MMP16: variants seen among roughly 807,000 people sequenced by gnomAD.
MMP16 encodes the protein matrix metallopeptidase 16.
MMP16 carries 12 observed loss-of-function variants against 67.8 expected under a neutral mutation model. The observed-to-expected ratio is 0.18, with a 90% confidence interval of 0.11 to 0.29. The LOEUF is 0.29. Among genes scored for constraint, MMP16 ranks in the 10% least tolerant of loss-of-function variants. The probability of loss-of-function intolerance (pLI) is 1.00; values close to 1 mark genes in which losing one functional copy is unlikely to be tolerated. For synonymous variants in MMP16, 249 were observed against 255.9 expected (o/e 0.97, Z 0.26); for missense variants, 475 against 765.7 (o/e 0.62, Z 4.48).
rs1049717663 is a variant in MMP16 at position 88,037,541 on chromosome 8, T to G, written c.*3920A>C. 1.4e-4 allele frequency: 22 copies of G among 151,958 alleles called. No individual in the cohort carries two copies. Among genetic ancestry groups the G allele is most frequent in the African/African-American group, 5.1e-4 (21 of 41,432 alleles). 9.4% of individuals were successfully genotyped at this position (151,958 alleles called of 1,614,324 possible). The stretch of plus-strand genomic sequence containing the variant: ...TTATAACAGAAGTTGTCTTTGCTAG[T>G]ATCACATAATGCTGTCTAATTTAGC... On this transcript the variant is annotated 3_prime_UTR_variant, in exon 10 of 10. Coordinates refer to ENST00000286614, the MANE Select transcript of MMP16 (RefSeq NM_005941.5).
chr8:88,214,100 C>A (rs1361965315), intron 1 of MMP16, among the ~76,000 whole-genome samples: 1 of 152,134 alleles, frequency 6.6e-6, no homozygotes, highest in Admixed American at 6.6e-5. Context: ...GTCTCCAATA[C>A]ATAAACGTGA....
chr8:88,279,372 G>A (rs1563582151), intron 1 of MMP16, among the ~76,000 whole-genome samples: 1 of 151,950 alleles, frequency 6.6e-6, no homozygotes, highest in Non-Finnish European at 1.5e-5. Context: ...TTCTTAACAT[G>A]GTTAATAGAA....
At chr8:88,097,226 A>AT (rs1041052296) in intron 6 of MMP16, among the ~76,000 whole-genome samples, 6 of 151,754 alleles carry the variant, frequency 4.0e-5, no homozygotes, top group Non-Finnish European at 7.4e-5. Flanking sequence ...AAGAAAAACT[A>AT]TTTTTTTTGG....
intron 1 of MMP16, among the ~76,000 whole-genome samples, chr8:88,198,269 T>A (rs1273166307): frequency 6.6e-6 from 1 of 152,172 alleles, no homozygotes; most frequent in Non-Finnish European, 1.5e-5. Context: ...CCACATCCCA[T>A]CCTGCTGTCC....
At chr8:88,060,368 A>G (rs915101757) in intron 7 of MMP16, among the ~76,000 whole-genome samples, 1 of 151,916 alleles carries the variant, frequency 6.6e-6, no homozygotes, top group African/African-American at 2.4e-5. Context: ...TCTCCTTTTT[A>G]TCTATCCTCC....
chr8:88,112,666 G>GGTGTGTGTGTGTGTGT (rs6150692), intron 6 of MMP16, among the ~76,000 whole-genome samples: 2,722 of 146,820 alleles, frequency 0.019, 42 homozygotes, highest in African/African-American at 0.037. Context: ...AGGACAGAAG[G>GGTGTGTGTGTGTGTGT]GTGTGTGTGT....
chr8:88,118,907 T>C, intron 4 of MMP16, 46 bp from the exon 5 acceptor site: 1 of 1,563,800 alleles, frequency 6.4e-7, no homozygotes, highest in South Asian at 1.1e-5. Flanking sequence ...AATATCCAAA[T>C]ACAGAATTGA....
chr8:88,148,737 TAAG>T (rs34708371), intron 4 of MMP16, among the ~76,000 whole-genome samples: 55,118 of 151,964 alleles, frequency 0.36, 10,277 homozygotes, highest in East Asian at 0.48. Flanking sequence ...TCTTTAGTAG[TAAG>T]AAGAATCTCT....
intron 6 of MMP16, among the ~76,000 whole-genome samples, chr8:88,085,177 A>T (rs1808813636): frequency 6.6e-6 from 1 of 152,036 alleles, no homozygotes; most frequent in African/African-American, 2.4e-5. Flanking sequence ...GAGCAAGGAC[A>T]TTTACACTTA....
chr8:88,050,761 T>C (rs1016905796), intron 8 of MMP16, among the ~76,000 whole-genome samples: 4 of 152,214 alleles, frequency 2.6e-5, no homozygotes, highest in African/African-American at 9.7e-5. Context: ...AATGCTGTCG[T>C]TCAAACAACT....
At chr8:88,046,489 A>G (rs1397149898) in intron 9 of MMP16, among the ~76,000 whole-genome samples, 180 bp downstream of exon 9, 1 of 152,210 alleles carries the variant, frequency 6.6e-6, no homozygotes, top group Non-Finnish European at 1.5e-5. Context: ...TTGAGGTTAA[A>G]AAATGTCTAC....
At chr8:88,317,826 T>C (rs1222312465) in intron 1 of MMP16, among the ~76,000 whole-genome samples, 1 of 151,922 alleles carries the variant, frequency 6.6e-6, no homozygotes, top group Non-Finnish European at 1.5e-5. Flanking sequence ...CATATTGGAG[T>C]TTCTATTCTC....
chr8:88,269,669 C>G (rs1185081750), intron 1 of MMP16, among the ~76,000 whole-genome samples: 1 of 152,156 alleles, frequency 6.6e-6, no homozygotes, highest in Non-Finnish European at 1.5e-5. Flanking sequence ...TAGAAATAAT[C>G]AATGACCCAA....
chr8:88,135,775 C>G (rs1319434817), intron 4 of MMP16, among the ~76,000 whole-genome samples: 2 of 151,708 alleles, frequency 1.3e-5, no homozygotes, highest in African/African-American at 4.8e-5. Context: ...GATATATTAA[C>G]AAAGGCAGAC....
chr8:88,237,187 T>C (rs1809955327), intron 1 of MMP16, among the ~76,000 whole-genome samples: 1 of 152,188 alleles, frequency 6.6e-6, no homozygotes, highest in Admixed American at 6.5e-5. Context: ...ACAAAAAGTC[T>C]GACAACAGTA....
intron 6 of MMP16, among the ~76,000 whole-genome samples, chr8:88,081,226 G>C (rs1291788273): frequency 6.6e-6 from 1 of 152,088 alleles, no homozygotes; most frequent in African/African-American, 2.4e-5. Context: ...AGAATAAATG[G>C]GGAGCTTCAG....
intron 1 of MMP16, among the ~76,000 whole-genome samples, chr8:88,320,308 C>T (rs1203988475): frequency 6.6e-6 from 1 of 152,138 alleles, no homozygotes; most frequent in Admixed American, 6.5e-5. Context: ...ATTTTTGCTA[C>T]ACATAATCTA....
intron 1 of MMP16, among the ~76,000 whole-genome samples, chr8:88,252,853 G>A (rs1249195607): frequency 2.0e-5 from 3 of 151,958 alleles, no homozygotes; most frequent in African/African-American, 4.8e-5. Context: ...CATTTAATAC[G>A]TAAAAGAATA....
intron 1 of MMP16, among the ~76,000 whole-genome samples, chr8:88,227,484 C>T (rs546803511): frequency 1.3e-5 from 2 of 152,152 alleles, no homozygotes; most frequent in Admixed American, 1.3e-4. Context: ...ATAACCCTGT[C>T]ATCAACACCT....
Sources: allele counts gnomAD v4.1 joint callset (sites outside exome capture counted in the v4.1 genomes callset), GRCh38; gene constraint gnomAD v4.1.1; transcripts MANE v1.5; gene names NCBI Gene and HGNC (gene_info 2026-07-23, HGNC 2026-07-21).